Variants in PTPRD observed in about 807,000 individuals in gnomAD.
PTPRD encodes the protein receptor-type tyrosine-protein phosphatase delta.
PTPRD carries 34 observed loss-of-function variants against 214.5 expected under a neutral mutation model. The observed-to-expected ratio is 0.16, with a 90% confidence interval of 0.12 to 0.21. The LOEUF (loss-of-function observed/expected upper bound fraction) is 0.21. PTPRD is among the 10% of genes least tolerant of loss of function. The pLI is 1.00. For missense variants in PTPRD, 2,545 were observed against 2,398.7 expected (o/e 1.06, Z -1.27); for synonymous variants, 1,128 against 845.7 (o/e 1.33, Z -5.79).
intron 14 of PTPRD, among the ~76,000 whole-genome samples, chr9:8,630,067 G>T (rs938768353): frequency 6.6e-6 from 1 of 151,786 alleles, no homozygotes; most frequent in Non-Finnish European, 1.5e-5. Flanking sequence ...TTCTCTAGTA[G>T]CTTGTGTGAG....
chr9:8,534,947 T>C (rs1175702939), intron 14 of PTPRD, among the ~76,000 whole-genome samples: 1 of 151,952 alleles, frequency 6.6e-6, no homozygotes, highest in Non-Finnish European at 1.5e-5. Flanking sequence ...GCATCATTCA[T>C]TCTACAAATA....
chr9:8,782,997 C>A (rs181276503), intron 11 of PTPRD, among the ~76,000 whole-genome samples: 6 of 152,246 alleles, frequency 3.9e-5, no homozygotes, highest in Non-Finnish European at 8.8e-5. Context: ...CTTCTCTACC[C>A]TTGCAGTTTT....
rs551509796 is a variant in PTPRD, at chr9:9,838,552, C to A, written c.-367-71701G>T. ...GAGCATTTTTTCATGTGTTTTTTGG[C>A]TGCATAAATGTCTTCTTTTGAGAAG... On this transcript the variant is annotated intron_variant, in intron 5 of 45. Coordinates refer to ENST00000381196, the MANE Select transcript of PTPRD (RefSeq NM_002839.4). Among the ~76,000 whole-genome samples, 1,288 of 152,192 alleles carry A rather than the reference C, an allele frequency of 8.5e-3. 13 individuals are homozygous for A. The highest frequency in any genetic ancestry group is 0.025 in the African/African-American group (1,021 of 41,520).
intron 2 of PTPRD, among the ~76,000 whole-genome samples, chr9:10,501,927 C>A (rs2043867697): frequency 6.6e-6 from 1 of 151,910 alleles, no homozygotes; most frequent in East Asian, 1.9e-4. Context: ...CTGAGAGATA[C>A]TGATTTACCT....
intron 4 of PTPRD, among the ~76,000 whole-genome samples, chr9:9,968,885 G>T (rs551445673): frequency 6.6e-6 from 1 of 152,038 alleles, no homozygotes; most frequent in Non-Finnish European, 1.5e-5. Context: ...CTTAATAACT[G>T]AATAAGTTAT....
chr9:10,315,769 C>A (rs1411044257), intron 3 of PTPRD, among the ~76,000 whole-genome samples: 1 of 151,950 alleles, frequency 6.6e-6, no homozygotes, highest in East Asian at 1.9e-4. Context: ...GAAGAATTAA[C>A]CTTCCTTTGG....
At chr9:10,027,999 A>AC (rs1450931354) in intron 4 of PTPRD, among the ~76,000 whole-genome samples, 1 of 152,158 alleles carries the variant, frequency 6.6e-6, no homozygotes, top group African/African-American at 2.4e-5. Context: ...TTGATGGGTC[A>AC]TATGGTTTGA....
At chr9:10,340,560 T>C (rs1166481542) in intron 3 of PTPRD, among the ~76,000 whole-genome samples, 1 of 151,918 alleles carries the variant, frequency 6.6e-6, no homozygotes, top group Non-Finnish European at 1.5e-5. Flanking sequence ...AGCTCAGATA[T>C]TAAATAGCCC....
rs570743174 is a variant in PTPRD, at chr9:8,885,776, C to T, written c.-104+132921G>A. ...TCTCCCAATGTGCTGGGATTATCAG[C>T]GTGACCCACCGTGCCCGGCCTGCCT... On this transcript the variant is annotated intron_variant, in intron 11 of 45. Transcript: ENST00000381196. Among the ~76,000 whole-genome samples, 9 of 152,194 alleles carry T rather than the reference C, an allele frequency of 5.9e-5. No homozygotes were observed. In the South Asian group the frequency reaches 1.7e-3, roughly 28 times the overall value.
At chr9:9,868,990 T>C (rs76827336) in intron 5 of PTPRD, among the ~76,000 whole-genome samples, 15,211 of 152,188 alleles carry the variant, frequency 0.1, 873 homozygotes, top group South Asian at 0.2. Flanking sequence ...ATCATTCACC[T>C]GAACAAATGC....
chr9:9,934,756 G>T (rs537876421), intron 5 of PTPRD, among the ~76,000 whole-genome samples: 1 of 151,506 alleles, frequency 6.6e-6, no homozygotes. Flanking sequence ...TACCAAAGCC[G>T]GGCAGAGACA....
intron 3 of PTPRD, among the ~76,000 whole-genome samples, chr9:10,250,935 A>C (rs1227085486): frequency 6.6e-6 from 1 of 152,020 alleles, no homozygotes; most frequent in Non-Finnish European, 1.5e-5. Context: ...ATATTTGATT[A>C]TAAAACAATA....
At chr9:8,794,966 T>A (rs1428245880) in intron 11 of PTPRD, among the ~76,000 whole-genome samples, 2 of 151,770 alleles carry the variant, frequency 1.3e-5, no homozygotes, top group Non-Finnish European at 2.9e-5. Context: ...ATTAATTATT[T>A]GGAACCCAAT....
rs533450623 is a variant in PTPRD, at chr9:10,458,818, T to A, written c.-599-117801A>T. 1.1e-4 allele frequency among the ~76,000 whole-genome samples: 17 copies of A among 152,292 alleles called. No homozygotes were observed. In the South Asian group the frequency reaches 3.3e-3, roughly 30 times the overall value. ...CACCACCAAAAACTGTTAGGTCTAA[T>A]AAATGAATTCAATAAAGTTGCAGAA... is the stretch of plus-strand genomic sequence containing the variant. On this transcript the variant is annotated intron_variant, in intron 2 of 45. Coordinates refer to ENST00000381196, the MANE Select transcript of PTPRD (RefSeq NM_002839.4).
intron 3 of PTPRD, among the ~76,000 whole-genome samples, chr9:10,194,427 C>A (rs1296083294): frequency 6.9e-6 from 1 of 144,690 alleles, no homozygotes; most frequent in East Asian, 2.0e-4. Flanking sequence ...TTGTAATTGG[C>A]AGAATGGCTG....
chr9:10,220,150 AC>A, intron 3 of PTPRD, among the ~76,000 whole-genome samples: 1 of 151,964 alleles, frequency 6.6e-6, no homozygotes, highest in East Asian at 1.9e-4. Flanking sequence ...TTTTAGTATC[AC>A]TTTTAAGGTC....
intron 3 of PTPRD, among the ~76,000 whole-genome samples, chr9:10,300,929 G>T (rs560623967): frequency 6.6e-6 from 1 of 152,150 alleles, no homozygotes; most frequent in Non-Finnish European, 1.5e-5. Flanking sequence ...GGGTCAGACT[G>T]CCTCCTCAAG....
intron 8 of PTPRD, among the ~76,000 whole-genome samples, chr9:9,551,106 T>C (rs2080115246): frequency 6.6e-6 from 1 of 151,960 alleles, no homozygotes; most frequent in Non-Finnish European, 1.5e-5. Flanking sequence ...TTAATGTATA[T>C]TCTTGAAAAA....
At chr9:8,719,019 CT>C (rs1175264047) in intron 12 of PTPRD, among the ~76,000 whole-genome samples, 1 of 152,104 alleles carries the variant, frequency 6.6e-6, no homozygotes, top group Non-Finnish European at 1.5e-5. Flanking sequence ...TTTTATTTGC[CT>C]TTATGAAACC....
Sources: gnomAD v4.1 joint callset for allele counts (sites outside exome capture counted in the v4.1 genomes callset) on GRCh38, gnomAD v4.1.1 for gene constraint, MANE v1.5 for transcripts, NCBI Gene and HGNC (gene_info 2026-07-23, HGNC 2026-07-21) for gene names.